The following MAGI1 variants were observed in gnomAD, a reference collection of about 807,000 sequenced individuals.
MAGI1 encodes the protein membrane-associated guanylate kinase, WW and PDZ domain-containing protein 1.
A neutral mutation model predicts 139.9 loss-of-function variants in MAGI1; 58 were observed. The ratio of observed to expected loss-of-function variants is 0.41; its 90% confidence interval spans 0.34 to 0.52. MAGI1 has a LOEUF of 0.52. Ranked by LOEUF, MAGI1 falls within the 20% of genes least tolerant of loss-of-function variation. The probability of loss-of-function intolerance (pLI) is 0.12; values close to 1 mark genes in which losing one functional copy is unlikely to be tolerated. For synonymous variants in MAGI1, 812 were observed against 737.9 expected (o/e 1.10, Z -1.63); for missense variants, 1,874 against 1,901.6 (o/e 0.99, Z 0.27).
At chr3:66,003,262 C>G (rs1179067393) in intron 1 of MAGI1, among the ~76,000 whole-genome samples, 5 of 152,108 alleles carry the variant, frequency 3.3e-5, no homozygotes, top group Non-Finnish European at 5.9e-5. Context: ...CAGCCATTCG[C>G]CACCACCTCC....
rs2063087072 is a variant in MAGI1 at position 65,936,932 on chromosome 3, G to A, written c.313+101064C>T. Among the ~76,000 whole-genome samples, 6 of 151,682 alleles carry A rather than the reference G, an allele frequency of 4.0e-5. No homozygotes were observed. The South Asian group carries it at 1.3e-3, about 32-fold the overall frequency. ...TGTTGTTGTTGTTGGTGGTGGTGGTGGTGATGGTGGTGGTGATGGTGATGG... is the reference window on the plus strand; with the variant it reads ...TGTTGTTGTTGTTGGTGGTGGTGGTAGTGATGGTGGTGGTGATGGTGATGG... On this transcript the variant is annotated intron_variant, in intron 1 of 22. Coordinates refer to ENST00000402939, the MANE Select transcript of MAGI1 (RefSeq NM_001033057.2).
chr3:65,900,465 T>C (rs2061176800), intron 1 of MAGI1, among the ~76,000 whole-genome samples: 1 of 152,198 alleles, frequency 6.6e-6, no homozygotes, highest in South Asian at 2.1e-4. Context: ...GCTTAGTATA[T>C]GGTAAGCACT....
At chr3:65,687,718 A>G in intron 1 of MAGI1, 1 of 532,826 alleles carries the variant, frequency 1.9e-6, no homozygotes, top group Non-Finnish European at 3.8e-6. Flanking sequence ...CCTGGGAAAC[A>G]AAGTCGGGGG....
At chr3:65,365,548 A>C (rs1444104264) in intron 18 of MAGI1, among the ~76,000 whole-genome samples, 1 of 152,216 alleles carries the variant, frequency 6.6e-6, no homozygotes, top group African/African-American at 2.4e-5. Flanking sequence ...TCCTATAGTA[A>C]TAGCTATATG....
At chr3:65,810,994 A>G (rs2041193116) in intron 1 of MAGI1, among the ~76,000 whole-genome samples, 1 of 152,242 alleles carries the variant, frequency 6.6e-6, no homozygotes, top group Admixed American at 6.5e-5. Context: ...TTTCTAAACA[A>G]AAGATTGATA....
intron 2 of MAGI1, among the ~76,000 whole-genome samples, chr3:65,525,666 C>T (rs1006590721): frequency 6.6e-6 from 1 of 152,134 alleles, no homozygotes; most frequent in African/African-American, 2.4e-5. Context: ...ATTACAGTCA[C>T]AGAGAGCCCC....
intron 6 of MAGI1, among the ~76,000 whole-genome samples, chr3:65,451,492 T>A (rs867909425): frequency 1.3e-5 from 2 of 152,212 alleles, no homozygotes; most frequent in Non-Finnish European, 2.9e-5. Flanking sequence ...GGTTTCAGAT[T>A]TTGCATATTT....
chr3:65,441,940 G>A (rs930723139), intron 8 of MAGI1, among the ~76,000 whole-genome samples: 1 of 152,136 alleles, frequency 6.6e-6, no homozygotes, highest in African/African-American at 2.4e-5. Flanking sequence ...GCAGCATAAA[G>A]GAAAGAAAAT....
rs150572825 is a variant in MAGI1, at chr3:65,767,163, A to G, written c.314-145075T>C. ...TCCAGATCATCAAGTCTGCCTCTCT[A>G]TTTATCAATAATCACCTATTCACAC... On this transcript the variant is annotated intron_variant, in intron 1 of 22. Coordinates refer to ENST00000402939, the MANE Select transcript of MAGI1 (RefSeq NM_001033057.2). Among the ~76,000 whole-genome samples, 486 of 152,214 alleles carry G rather than the reference A, an allele frequency of 3.2e-3. 3 individuals are homozygous for G. The highest frequency in any genetic ancestry group is 0.011 in the African/African-American group (456 of 41,544).
intron 2 of MAGI1, among the ~76,000 whole-genome samples, chr3:65,519,864 T>C (rs2078074140): frequency 6.6e-6 from 1 of 152,208 alleles, no homozygotes; most frequent in Non-Finnish European, 1.5e-5. Context: ...TGTATTTGTG[T>C]TGGCCTTAGT....
Position 65,361,657 on chromosome 3 carries a change from T to A in MAGI1, c.3496-320A>T, listed in dbSNP as rs148126761. ...ATTCACAACCTGTGTAATCTCCCCC[T>A]GCCTTTGAATGTGAGCTACGTCAAG... On this transcript the variant is annotated intron_variant, in intron 21 of 22. Transcript: ENST00000402939. 2.7e-3 allele frequency among the ~76,000 whole-genome samples: 406 copies of A among 152,348 alleles called. 1 individual carries two copies. The highest frequency in any genetic ancestry group is 4.4e-3 in the Non-Finnish European group (297 of 68,032).
intron 1 of MAGI1, among the ~76,000 whole-genome samples, chr3:65,633,216 C>G (rs2084413154): frequency 6.6e-6 from 1 of 152,158 alleles, no homozygotes; most frequent in Non-Finnish European, 1.5e-5. Flanking sequence ...AGTGCTGCCA[C>G]CCCACTGTGC....
chr3:65,728,111 G>A (rs1405382416), intron 1 of MAGI1, among the ~76,000 whole-genome samples: 1 of 152,162 alleles, frequency 6.6e-6, no homozygotes, highest in Non-Finnish European at 1.5e-5. Flanking sequence ...CTCAGGAAGG[G>A]TCTGGAAGTC....
At chr3:65,595,475 T>C (rs527952115) in intron 2 of MAGI1, among the ~76,000 whole-genome samples, 25 of 152,160 alleles carry the variant, frequency 1.6e-4, no homozygotes, top group Non-Finnish European at 2.9e-4. Flanking sequence ...ACCTCACAAA[T>C]TGCCTCTTCT....
At position 65,356,696 on chromosome 3, in the gene MAGI1, C is replaced by G. The variant is rs1281484709; in HGVS notation, c.4071G>C (p.Arg1357=). The G allele has an allele frequency of 6.3e-7, 1 of 1,592,436 alleles. No individual in the cohort carries two copies. Among genetic ancestry groups the G allele is most frequent in the Non-Finnish European group, 8.5e-7 (1 of 1,169,878 alleles). ...AGCCGTCTCTCCTGCGGGTGGGTGA[C>G]CGCTCTCGCCTCCGCTCCGGAGAGA... ...RDVSPERRRE[R]SPTRRRDGSP... is the part of the protein sequence containing the mutation. Residue 1357 remains arginine, a synonymous_variant, in exon 23 of 23, where the codon CGG becomes CGC. Coordinates refer to ENST00000402939, the MANE Select transcript of MAGI1 (RefSeq NM_001033057.2).
intron 1 of MAGI1, chr3:65,875,085 G>A (rs887241698): frequency 3.3e-5 from 5 of 152,580 alleles, no homozygotes; most frequent in African/African-American, 1.2e-4. Context: ...ATGGAATAAA[G>A]AATTGACACA....
chr3:65,727,908 G>A lies in MAGI1; in HGVS notation c.314-105820C>T, dbSNP rs533515702. On this transcript the variant is annotated intron_variant, in intron 1 of 22. Coordinates refer to ENST00000402939, the MANE Select transcript of MAGI1 (RefSeq NM_001033057.2). ...ACTTTTAAGGATGATATATCAATCC[G>A]GGTGATGTCAGGGAGAGTGACTATA... 7.2e-5 allele frequency among the ~76,000 whole-genome samples: 11 copies of A among 152,268 alleles called. No individual in the cohort carries two copies. In the South Asian group the frequency reaches 1.7e-3, roughly 23 times the overall value.
chr3:66,022,953 C>T (rs1318393717), intron 1 of MAGI1, among the ~76,000 whole-genome samples: 2 of 152,164 alleles, frequency 1.3e-5, no homozygotes, highest in African/African-American at 4.8e-5. Flanking sequence ...AACCTGGGAT[C>T]GCCCAGCCTG....
intron 1 of MAGI1, among the ~76,000 whole-genome samples, chr3:65,750,603 G>C (rs1303238015): frequency 6.6e-6 from 1 of 152,212 alleles, no homozygotes; most frequent in Non-Finnish European, 1.5e-5. Context: ...AAATTTTGCT[G>C]TGTAAATCAG....
Sources: allele counts gnomAD v4.1 joint callset (sites outside exome capture counted in the v4.1 genomes callset), GRCh38; gene constraint gnomAD v4.1.1; transcripts MANE v1.5; gene names NCBI Gene and HGNC (gene_info 2026-07-23, HGNC 2026-07-21).